Variants in GABPB2 observed in about 807,000 individuals in gnomAD.
The protein encoded by GABPB2 is GA binding protein transcription factor subunit beta 2.
GABPB2 carries 23 observed loss-of-function variants against 39.1 expected under a neutral mutation model. That is an observed-to-expected ratio of 0.59 (90% CI 0.42 to 0.83). GABPB2 has a LOEUF of 0.83. Ranked by LOEUF, GABPB2 falls within the 40% of genes least tolerant of loss-of-function variation. GABPB2 has a pLI of 0.00. For synonymous variants in GABPB2, 184 were observed against 199.3 expected, an observed-to-expected ratio of 0.92 and a Z score of 0.65; for missense variants, 467 against 541.1, an observed-to-expected ratio of 0.86 and a Z score of 1.36.
intron 5 of GABPB2, 21 bp from the exon 6 acceptor site, chr1:151,103,541 T>A: frequency 6.5e-7 from 1 of 1,548,000 alleles, no homozygotes; most frequent in Non-Finnish European, 8.9e-7. Context: ...TGGACCTCAT[T>A]TGTCTTTCTT....
chr1:151,096,415 A>C (rs1217822438), intron 4 of GABPB2, among the ~76,000 whole-genome samples: 1 of 151,276 alleles, frequency 6.6e-6, no homozygotes, highest in Non-Finnish European at 1.5e-5. Context: ...ACTCCGTCTC[A>C]AAAAAAAATA....
At position 151,070,777 on chromosome 1, in the gene GABPB2, T is replaced by G. The variant is rs1046253953; in HGVS notation, c.-158T>G. 2 of 152,174 alleles carry G rather than the reference T, an allele frequency of 1.3e-5. No individual in the cohort carries two copies. Among genetic ancestry groups the G allele is most frequent in the Non-Finnish European group, 2.9e-5 (2 of 68,044 alleles). 9.4% of individuals were successfully genotyped at this position (152,174 alleles called of 1,614,324 possible). A position where few individuals can be genotyped will look rare whatever the true frequency, so the allele number is the denominator to read the frequency against. ...TCCGGGTCCGCCATTTTGTTGCCTC[T>G]GTTTCTCCACGAGGGGGGGTTAAAG... On this transcript the variant is annotated 5_prime_UTR_variant, in exon 1 of 9. Coordinates refer to ENST00000368918, the MANE Select transcript of GABPB2 (RefSeq NM_144618.3).
At chr1:151,072,592 T>A (rs746971210) in intron 1 of GABPB2, among the ~76,000 whole-genome samples, 10 of 152,150 alleles carry the variant, frequency 6.6e-5, no homozygotes, top group Non-Finnish European at 1.5e-4. Context: ...TGGCCTGTAA[T>A]CCCAGCACTT....
intron 1 of GABPB2, among the ~76,000 whole-genome samples, chr1:151,086,061 A>G (rs1222548747): frequency 1.3e-5 from 2 of 152,078 alleles, no homozygotes; most frequent in Non-Finnish European, 2.9e-5. Context: ...CCTGAACAAT[A>G]TTGTGAATCC....
At chr1:151,101,531 G>A (rs780398031) in intron 5 of GABPB2, among the ~76,000 whole-genome samples, 2 of 151,060 alleles carry the variant, frequency 1.3e-5, no homozygotes, top group Non-Finnish European at 2.9e-5. Flanking sequence ...CTGAGATCGC[G>A]CCACTGCACT....
At chr1:151,113,528 A>G (rs949492962) in intron 7 of GABPB2, among the ~76,000 whole-genome samples, 2 of 151,352 alleles carry the variant, frequency 1.3e-5, no homozygotes, top group Non-Finnish European at 2.9e-5. Context: ...GTCTGGCCAA[A>G]TCTTCTGTTT....
chr1:151,083,478 A>G (rs989399307), intron 1 of GABPB2, among the ~76,000 whole-genome samples: 2 of 152,084 alleles, frequency 1.3e-5, no homozygotes, highest in African/African-American at 4.8e-5. Context: ...CTAAAAGTAC[A>G]GAAAAATTAG....
intron 7 of GABPB2, among the ~76,000 whole-genome samples, chr1:151,112,907 A>C (rs1244879978): frequency 6.6e-6 from 1 of 150,756 alleles, no homozygotes; most frequent in Non-Finnish European, 1.5e-5. Context: ...AGTAGCTGGG[A>C]CTACAGGTGT....
chr1:151,074,167 G>C (rs1435062141), intron 1 of GABPB2, among the ~76,000 whole-genome samples: 1 of 150,814 alleles, frequency 6.6e-6, no homozygotes, highest in Admixed American at 6.6e-5. Flanking sequence ...AGTAGAGACG[G>C]GGTTTCACCA....
rs71624522 is a variant in GABPB2 at position 151,117,187 on chromosome 1, G to T, written c.923-205G>T. Among the ~76,000 whole-genome samples the T allele has an allele frequency of 5.6e-3, 850 of 152,014 alleles. 1 individual carries two copies. The highest frequency in any genetic ancestry group is 9.5e-3 in the Non-Finnish European group (648 of 67,960). On this transcript the variant is annotated intron_variant, in intron 7 of 8. Coordinates refer to ENST00000368918, the MANE Select transcript of GABPB2 (RefSeq NM_144618.3). The stretch of plus-strand genomic sequence containing the variant: ...TTTCTTTGCTTTTTTGTTGAGATGG[G>T]GTCTTGCTGTGTTGTCTAGGCTAGT...
At chr1:151,072,138 C>G (rs1676782055) in intron 1 of GABPB2, among the ~76,000 whole-genome samples, 1 of 152,234 alleles carries the variant, frequency 6.6e-6, no homozygotes, top group African/African-American at 2.4e-5. Flanking sequence ...AAAGAGAAAA[C>G]TGCCCCATCC....
intron 6 of GABPB2, among the ~76,000 whole-genome samples, chr1:151,104,276 A>G (rs977038709): frequency 1.3e-5 from 2 of 152,188 alleles, no homozygotes; most frequent in Admixed American, 1.3e-4. Flanking sequence ...TCATATAGGC[A>G]GGGGCATATA....
At chr1:151,106,452 C>T (rs1211486443) in intron 6 of GABPB2, among the ~76,000 whole-genome samples, 1 of 152,166 alleles carries the variant, frequency 6.6e-6, no homozygotes, top group Non-Finnish European at 1.5e-5. Context: ...ATTCTCGTGC[C>T]TCAGCCTCCA....
At chr1:151,086,996 A>T (rs970458430) in intron 1 of GABPB2, among the ~76,000 whole-genome samples, 3 of 152,168 alleles carry the variant, frequency 2.0e-5, no homozygotes, top group Non-Finnish European at 2.9e-5. Flanking sequence ...CTGGGTCTAC[A>T]GGCATGTGCC....
At chr1:151,099,805 A>G (rs1052884249) in intron 5 of GABPB2, among the ~76,000 whole-genome samples, 5 of 152,216 alleles carry the variant, frequency 3.3e-5, no homozygotes, top group Non-Finnish European at 7.3e-5. Flanking sequence ...ATACTTTTCT[A>G]TGCCTTGTTT....
rs1681212200 is a variant in GABPB2 at position 151,122,276 on chromosome 1, A to G, written c.*4020A>G. ...TACTTAACACTTCCCAGATGATTGG[A>G]GAATATTCTGGGCTGTTGGGGATGA... On this transcript the variant is annotated 3_prime_UTR_variant, in exon 9 of 9. Coordinates refer to ENST00000368918, the MANE Select transcript of GABPB2 (RefSeq NM_144618.3). 6.6e-6 allele frequency: 1 copy of G among 152,144 alleles called. No homozygotes were observed. The highest frequency in any genetic ancestry group is 2.4e-5 in the African/African-American group (1 of 41,428). 9.4% of individuals were successfully genotyped at this position (152,144 alleles called of 1,614,324 possible).
At chr1:151,076,794 A>ATT (rs57200969) in intron 1 of GABPB2, among the ~76,000 whole-genome samples, 11 of 120,114 alleles carry the variant, frequency 9.2e-5, no homozygotes, top group African/African-American at 1.5e-4. Context: ...ACTTGGTCTG[A>ATT]TTTTTTTTTT....
chr1:151,115,724 G>T (rs971155371), intron 7 of GABPB2, among the ~76,000 whole-genome samples: 1 of 152,108 alleles, frequency 6.6e-6, no homozygotes, highest in Non-Finnish European at 1.5e-5. Context: ...TTCTAGAGCG[G>T]CTGTACCATT....
Position 151,103,685 on chromosome 1 carries a change from G to C in GABPB2, c.736+10G>C. On this transcript the variant is annotated intron_variant, in intron 6 of 8. Transcript: ENST00000368918. ...TCACACAGAGCCACAGGTAGGTAAG[G>C]GATATGCTGCTGGGTGAATCACCAC... 3.2e-6 allele frequency: 5 copies of C among 1,560,524 alleles called. No homozygotes were observed. Among genetic ancestry groups the C allele is most frequent in the Non-Finnish European group, 4.4e-6 (5 of 1,131,652 alleles).
Sources: gnomAD v4.1 joint callset for allele counts (sites outside exome capture counted in the v4.1 genomes callset) on GRCh38, gnomAD v4.1.1 for gene constraint, MANE v1.5 for transcripts, NCBI Gene and HGNC (gene_info 2026-07-23, HGNC 2026-07-21) for gene names.